The following CAST variants were observed in gnomAD, a reference collection of about 807,000 sequenced individuals.
CAST encodes MIR583 host.
Under a neutral mutation model 119.6 loss-of-function variants are expected in CAST, and 76 were observed. The ratio of observed to expected loss-of-function variants is 0.64; its 90% confidence interval spans 0.53 to 0.77. The LOEUF (loss-of-function observed/expected upper bound fraction) is 0.77, where lower values mean the gene tolerates loss of function less well. CAST is among the 30% of genes least tolerant of loss of function. The pLI, the probability that CAST is intolerant of heterozygous loss-of-function variation, is 0.00. For missense variants in CAST, 953 were observed against 946.5 expected, an observed-to-expected ratio of 1.01 and a Z score of -0.09; for synonymous variants, 319 against 331.6, an observed-to-expected ratio of 0.96 and a Z score of 0.41.
intron 1 of CAST, among the ~76,000 whole-genome samples, chr5:96,566,460 A>C (rs1372971968): frequency 6.6e-6 from 1 of 152,218 alleles, no homozygotes; most frequent in Non-Finnish European, 1.5e-5. Flanking sequence ...GAAAACAACC[A>C]GAAGTGGTTC....
At chr5:96,296,226 T>C in the CAST span, among the ~76,000 whole-genome samples, 1 of 152,224 alleles carries the variant, frequency 6.6e-6, no homozygotes, top group Non-Finnish European at 1.5e-5. Flanking sequence ...TTCTCCGGCC[T>C]GGTTAGATCC....
the CAST span, among the ~76,000 whole-genome samples, chr5:96,211,825 C>T: frequency 6.6e-6 from 1 of 151,978 alleles, no homozygotes. Flanking sequence ...AGTTATTGTA[C>T]TACACAAATT....
At chr5:96,583,514 C>T (rs1326453607) in intron 1 of CAST, among the ~76,000 whole-genome samples, 1 of 152,172 alleles carries the variant, frequency 6.6e-6, no homozygotes, top group Non-Finnish European at 1.5e-5. Context: ...AGTTCTGGCT[C>T]AGTTTCCCTT....
chr5:96,624,326 G>A (rs964187543), intron 1 of CAST, among the ~76,000 whole-genome samples: 5 of 152,184 alleles, frequency 3.3e-5, no homozygotes, highest in African/African-American at 9.6e-5. Flanking sequence ...CATTGAACAA[G>A]TTTAGAAGAG....
intron 1 of CAST, among the ~76,000 whole-genome samples, chr5:96,663,443 A>G (rs139384024): frequency 5.9e-5 from 9 of 152,350 alleles, no homozygotes; most frequent in African/African-American, 2.2e-4. Flanking sequence ...GCTGGCGCTC[A>G]CAAGTGGGAT....
intron 25 of CAST, chr5:96,763,108 A>T: frequency 1.3e-6 from 1 of 778,032 alleles, no homozygotes; most frequent in Non-Finnish European, 2.4e-6. Flanking sequence ...GATGGAGATG[A>T]AGTAACTTTA....
intron 17 of CAST, 101 bp downstream of exon 17, chr5:96,746,526 C>G (rs1217618595): frequency 1.3e-6 from 1 of 789,994 alleles, no homozygotes; most frequent in Non-Finnish European, 2.3e-6. Context: ...GTCTGTCCCC[C>G]ATTCAGATAT....
chr5:96,388,965 G>C, the CAST span, among the ~76,000 whole-genome samples: 1 of 151,910 alleles, frequency 6.6e-6, no homozygotes, highest in African/African-American at 2.4e-5. Flanking sequence ...AATGAACCTA[G>C]AGTATATTAT....
At chr5:96,335,959 C>T in the CAST span, among the ~76,000 whole-genome samples, 5 of 152,160 alleles carry the variant, frequency 3.3e-5, no homozygotes, top group African/African-American at 1.2e-4. Context: ...CTCAAATGCA[C>T]CTTCTTTTAA....
At chr5:96,547,092 C>A (rs1020084908) in intron 1 of CAST, among the ~76,000 whole-genome samples, 1 of 151,858 alleles carries the variant, frequency 6.6e-6, no homozygotes, top group African/African-American at 2.4e-5. Context: ...CTAGAGACAC[C>A]ATTCACTTTA....
the CAST span, among the ~76,000 whole-genome samples, chr5:96,221,729 G>A: frequency 2.0e-5 from 3 of 151,864 alleles, no homozygotes; most frequent in African/African-American, 7.3e-5. Flanking sequence ...AAATACCAAT[G>A]TCATCTTTCA....
the CAST span, among the ~76,000 whole-genome samples, chr5:96,060,471 C>G: frequency 1.3e-5 from 2 of 152,036 alleles, no homozygotes; most frequent in Admixed American, 1.3e-4. Flanking sequence ...GAATTTCCCT[C>G]CAAAATAAAG....
At chr5:96,505,226 T>C in the CAST span, among the ~76,000 whole-genome samples, 1 of 152,246 alleles carries the variant, frequency 6.6e-6, no homozygotes, top group Non-Finnish European at 1.5e-5. Context: ...TTCAAGGTTG[T>C]ATTGGCCATG....
At chr5:96,002,650 T>A in the CAST span, among the ~76,000 whole-genome samples, 3 of 152,036 alleles carry the variant, frequency 2.0e-5, no homozygotes, top group African/African-American at 7.2e-5. Flanking sequence ...AGAGTAAGGT[T>A]CTCTGACTGA....
intron 1 of CAST, among the ~76,000 whole-genome samples, chr5:96,575,648 G>GTT (rs200064654): frequency 9.1e-5 from 13 of 142,648 alleles, no homozygotes; most frequent in Admixed American, 3.5e-4. Flanking sequence ...TTTGTTTTTT[G>GTT]TTTTTTTTTT....
the CAST span, among the ~76,000 whole-genome samples, chr5:96,498,900 C>A: frequency 6.6e-6 from 1 of 152,062 alleles, no homozygotes; most frequent in African/African-American, 2.4e-5. Flanking sequence ...AACTCAAGAC[C>A]ACTATGGAGG....
the CAST span, among the ~76,000 whole-genome samples, chr5:96,246,917 T>G: frequency 2.6e-5 from 4 of 152,162 alleles, no homozygotes; most frequent in Admixed American, 6.5e-5. Context: ...TTTAAATGAG[T>G]GTTAAAACTC....
intron 1 of CAST, among the ~76,000 whole-genome samples, chr5:96,654,032 T>C (rs1003068285): frequency 9.0e-5 from 12 of 133,928 alleles, no homozygotes; most frequent in Admixed American, 2.9e-4. Flanking sequence ...CTTTTCTTTT[T>C]TTTTTTTTTT....
At chr5:96,338,332 A>C in the CAST span, among the ~76,000 whole-genome samples, 1 of 152,186 alleles carries the variant, frequency 6.6e-6, no homozygotes, top group Non-Finnish European at 1.5e-5. Context: ...ATGCTGCCTT[A>C]TGCTGTTTTA....
Sources: allele counts gnomAD v4.1 joint callset (sites outside exome capture counted in the v4.1 genomes callset), GRCh38; gene constraint gnomAD v4.1.1; transcripts MANE v1.5; gene names NCBI Gene and HGNC (gene_info 2026-07-23, HGNC 2026-07-21).